The following CAMK2A variants were observed in gnomAD, a reference collection of about 807,000 sequenced individuals.
CAMK2A encodes calcium/calmodulin-dependent protein kinase type II subunit alpha.
In CAMK2A, 7 loss-of-function variants were observed where a neutral mutation model predicts 79.2. The ratio of observed to expected loss-of-function variants is 0.09; its 90% CI spans 0.05 to 0.17. CAMK2A has a LOEUF of 0.17. CAMK2A is among the 10% of genes least tolerant of loss of function. CAMK2A has a pLI of 1.00. For synonymous variants in CAMK2A, 242 were observed against 251.7 expected (o/e 0.96, Z 0.36); for missense variants, 214 against 646.4 (o/e 0.33, Z 7.25).
intron 16 of CAMK2A, among the ~76,000 whole-genome samples, chr5:150,230,058 G>A (rs150940002): frequency 4.8e-4 from 73 of 152,014 alleles, no homozygotes; most frequent in South Asian, 3.7e-3. Context: ...GGTAGCTGAC[G>A]CCTGTAATCC....
chr5:150,273,062 T>C lies in CAMK2A; in HGVS notation c.157+3A>G, dbSNP rs1447013739. The C allele has an allele frequency of 3.7e-6, 6 of 1,611,910 alleles. No homozygotes were observed. Among genetic ancestry groups the C allele is most frequent in the Non-Finnish European group, 5.1e-6 (6 of 1,178,534 alleles). ...GTGGGCAGGGTAGAAATCAGGCACCTACCTCTGGCTGACAGCTTCTTTGTG... is the reference window on the plus strand; with the variant it reads ...GTGGGCAGGGTAGAAATCAGGCACCCACCTCTGGCTGACAGCTTCTTTGTG... On this transcript the variant is annotated splice_donor_region_variant and intron_variant, in intron 2 of 18. Transcript: ENST00000671881.
At chr5:150,229,629 T>C (rs938157737) in intron 16 of CAMK2A, among the ~76,000 whole-genome samples, 5 of 151,986 alleles carry the variant, frequency 3.3e-5, no homozygotes, top group Admixed American at 6.6e-5. Context: ...GTGGGAGGGG[T>C]TCCCCAGGAC....
chr5:150,252,449 T>C (rs560383135), intron 7 of CAMK2A, among the ~76,000 whole-genome samples: 1 of 152,322 alleles, frequency 6.6e-6, no homozygotes, highest in South Asian at 2.1e-4. Context: ...GCACCTGCCA[T>C]GTCAGCCCCA....
intron 2 of CAMK2A, among the ~76,000 whole-genome samples, chr5:150,270,216 G>A (rs1756689745): frequency 6.6e-6 from 1 of 152,198 alleles, no homozygotes; most frequent in Admixed American, 6.5e-5. Context: ...TTTTTTTAAT[G>A]CAGGGGCTTG....
chr5:150,270,619 G>A (rs1403260402), intron 2 of CAMK2A, among the ~76,000 whole-genome samples: 1 of 150,906 alleles, frequency 6.6e-6, no homozygotes, highest in Non-Finnish European at 1.5e-5. Context: ...CACCATGAGC[G>A]GCAAACAAAG....
In CAMK2A at chr5:150,284,745, G is replaced by A. The variant is rs1271913389; in HGVS notation, c.62+4819C>T. On this transcript the variant is annotated intron_variant, in intron 1 of 18. Transcript: ENST00000671881. This position sits in a 1 kb window ranked among gnomAD's most constrained non-coding sequence, Gnocchi z 5.3. ...GCACGTCATCTAGTCCCCTAGCCTG[G>A]GCCCTCTCTCTCCTGTGGCCTTGGA... is the stretch of plus-strand genomic sequence containing the variant. Among the ~76,000 whole-genome samples the A allele has an allele frequency of 6.6e-6, 1 of 152,060 alleles. No individual in the cohort carries two copies. Among genetic ancestry groups the A allele is most frequent in the Admixed American group, 6.6e-5 (1 of 15,264 alleles).
chr5:150,269,012 C>T (rs1336320686), intron 2 of CAMK2A, among the ~76,000 whole-genome samples: 5 of 151,996 alleles, frequency 3.3e-5, no homozygotes, highest in Admixed American at 2.0e-4. Flanking sequence ...GTGATCCTCC[C>T]ACCTCCGCCT....
rs1754474523 is a variant in CAMK2A at position 150,223,942 on chromosome 5, C to T, written c.1238-725G>A. Among the ~76,000 whole-genome samples, 1 of 152,182 alleles carries T rather than the reference C, an allele frequency of 6.6e-6. No individual in the cohort carries two copies. The highest frequency in any genetic ancestry group is 1.5e-5 in the Non-Finnish European group (1 of 68,036). On this transcript the variant is annotated intron_variant, in intron 17 of 18. Transcript: ENST00000671881. This position sits in a 1 kb window ranked among gnomAD's most constrained non-coding sequence, Gnocchi z 4.1. The stretch of plus-strand genomic sequence containing the variant: ...TATATCTACTTCTACTGTATATCTA[C>T]TTCTACTGTAGATATACAGAATTGT...
chr5:150,223,285 T>C lies in CAMK2A; in HGVS notation c.1238-68A>G. 1.5e-6 allele frequency: 2 copies of C among 1,303,636 alleles called. No homozygotes were observed. The highest frequency in any genetic ancestry group is 2.2e-6 in the Non-Finnish European group (2 of 925,570). The allele number at this position is 1,303,636 out of a possible 1,614,324, so 80.8% of individuals were successfully genotyped here. A position where few individuals can be genotyped will look rare whatever the true frequency, so the allele number is the denominator to read the frequency against. ...GCCTCCTGTCTCACTTTCTTCACTT[T>C]CTCCACTCCCAGCAGCCCTCTCAAT... On this transcript the variant is annotated intron_variant, in intron 17 of 18. Coordinates refer to ENST00000671881, the MANE Select transcript of CAMK2A (RefSeq NM_015981.4). The surrounding 1 kb of genome is among the most constrained non-coding windows in gnomAD (Gnocchi z 4.1).
intron 1 of CAMK2A, among the ~76,000 whole-genome samples, chr5:150,288,887 A>C (rs1757545762): frequency 6.6e-6 from 1 of 152,160 alleles, no homozygotes; most frequent in South Asian, 2.1e-4. Context: ...GTCCAGAGCC[A>C]CTGCACCCTT....
At chr5:150,247,683 G>A (rs1755630780) in intron 12 of CAMK2A, 89 bp downstream of exon 12, 2 of 1,067,726 alleles carry the variant, frequency 1.9e-6, no homozygotes, top group Non-Finnish European at 2.8e-6. Context: ...CAGGCCCAGT[G>A]GCCTGGGGGC....
intron 2 of CAMK2A, among the ~76,000 whole-genome samples, chr5:150,265,773 C>T (rs1756487558): frequency 6.6e-6 from 1 of 151,954 alleles, no homozygotes; most frequent in Non-Finnish European, 1.5e-5. Context: ...GAAACCCCAT[C>T]TCTACTAAAA....
intron 15 of CAMK2A, among the ~76,000 whole-genome samples, chr5:150,236,018 A>T (rs138182402): frequency 6.6e-6 from 1 of 152,256 alleles, no homozygotes; most frequent in East Asian, 1.9e-4. Context: ...TCCTACCATT[A>T]ATAAGCCATA....
At chr5:150,228,996 G>A (rs1036659073) in intron 16 of CAMK2A, among the ~76,000 whole-genome samples, 1 of 152,168 alleles carries the variant, frequency 6.6e-6, no homozygotes. Flanking sequence ...GCAGGGGAAG[G>A]GAACAAGCTG....
At chr5:150,269,884 C>T (rs925685976) in intron 2 of CAMK2A, among the ~76,000 whole-genome samples, 2 of 152,216 alleles carry the variant, frequency 1.3e-5, no homozygotes, top group Non-Finnish European at 2.9e-5. Context: ...TTGCAGGGAA[C>T]TGAATGACAC....
At chr5:150,231,210 A>T in intron 16 of CAMK2A, 95 bp downstream of exon 16, 1 of 578,236 alleles carries the variant, frequency 1.7e-6, no homozygotes, top group Non-Finnish European at 3.1e-6. Flanking sequence ...AAGTGAGTGG[A>T]TGAGGATCGG....
At chr5:150,287,937 C>CTCTGTG (rs138294685) in intron 1 of CAMK2A, among the ~76,000 whole-genome samples, 24 of 140,776 alleles carry the variant, frequency 1.7e-4, no homozygotes, top group African/African-American at 6.3e-4. Context: ...AGGATAGCCT[C>CTCTGTG]TGTGTGTGTG....
chr5:150,248,898 G>T (rs1484346176), intron 11 of CAMK2A, among the ~76,000 whole-genome samples: 1 of 152,204 alleles, frequency 6.6e-6, no homozygotes, highest in Admixed American at 6.5e-5. Flanking sequence ...CAGGCTGGGG[G>T]CTAATGGCCC....
chr5:150,279,211 G>A (rs1261021401), intron 1 of CAMK2A, among the ~76,000 whole-genome samples: 2 of 151,810 alleles, frequency 1.3e-5, no homozygotes, highest in East Asian at 1.9e-4. Flanking sequence ...CTTGAAATGG[G>A]ACCAGTGGAA....
Sources: gnomAD v4.1 joint callset for allele counts (sites outside exome capture counted in the v4.1 genomes callset) on GRCh38, gnomAD v4.1.1 for gene constraint, Gnocchi (gnomAD v3.1) non-coding constraint, MANE v1.5 for transcripts, NCBI Gene and HGNC (gene_info 2026-07-23, HGNC 2026-07-21) for gene names.